SVIL: variants seen among roughly 807,000 people sequenced by gnomAD.
The protein encoded by SVIL is supervillin, also known as archvillin.
In SVIL, 101 loss-of-function variants were observed where a neutral mutation model predicts 240.4. The observed-to-expected ratio is 0.42, with a 90% CI of 0.36 to 0.50. The LOEUF is 0.50. SVIL is among the 20% of genes least tolerant of loss of function. The pLI is 0.01. For missense variants in SVIL, 2,512 were observed against 2,818.7 expected (o/e 0.89, Z 2.46); for synonymous variants, 999 against 1,100.0 (o/e 0.91, Z 1.82).
intron 32 of SVIL, among the ~76,000 whole-genome samples, chr10:29,469,280 T>C (rs746517042): frequency 1.3e-5 from 2 of 152,156 alleles, no homozygotes; most frequent in Non-Finnish European, 2.9e-5. Context: ...ACATCTTGTT[T>C]CACATCTGCC....
rs1001629826 is a variant in SVIL at position 29,536,196 on chromosome 10, T to A, written c.828-127A>T. 4 of 869,884 alleles carry A rather than the reference T, an allele frequency of 4.6e-6. No individual in the cohort carries two copies. In the Admixed American group the frequency reaches 9.1e-5, roughly 20 times the overall value. 53.9% of individuals were successfully genotyped at this position (869,884 alleles called of 1,614,324 possible). A position where few individuals can be genotyped will look rare whatever the true frequency, so the allele number is the denominator to read the frequency against. On this transcript the variant is annotated intron_variant, in intron 6 of 37. Coordinates refer to ENST00000355867, the MANE Select transcript of SVIL (RefSeq NM_021738.3). ...AATAATCCTCACTTATAAGTGGGAG[T>A]TAAACATGGAGTACACATGGTCACA...
intron 11 of SVIL, 53 bp downstream of exon 11, chr10:29,530,554 G>A (rs1362407527): frequency 1.9e-6 from 3 of 1,602,068 alleles, no homozygotes; most frequent in African/African-American, 2.7e-5. Context: ...TCAAATAGCT[G>A]GGATTACTGC....
intron 6 of SVIL, among the ~76,000 whole-genome samples, chr10:29,541,699 G>A (rs114337886): frequency 0.015 from 2,237 of 152,204 alleles, 46 homozygotes; most frequent in African/African-American, 0.048. Flanking sequence ...GGCTGGATTG[G>A]CATCCCCTCA....
chr10:29,646,202 C>T (rs1312279658), intron 3 of SVIL, among the ~76,000 whole-genome samples: 1 of 152,322 alleles, frequency 6.6e-6, no homozygotes, highest in East Asian at 1.9e-4. Flanking sequence ...AACTTTATCC[C>T]TCACAGACAC....
intron 1 of SVIL, among the ~76,000 whole-genome samples, chr10:29,711,269 G>C (rs1040639863): frequency 6.6e-6 from 1 of 152,088 alleles, no homozygotes; most frequent in Non-Finnish European, 1.5e-5. Context: ...GCATGGTGAC[G>C]CACGCCGGTG....
intron 10 of SVIL, 27 bp downstream of exon 10, chr10:29,531,227 A>C: frequency 6.2e-7 from 1 of 1,611,942 alleles, no homozygotes; most frequent in East Asian, 2.2e-5. Flanking sequence ...ATAATAAAGA[A>C]GAAAAAAAAG....
chr10:29,465,809 T>C, intron 33 of SVIL, 59 bp from the exon 34 acceptor site: 1 of 1,550,594 alleles, frequency 6.4e-7, no homozygotes, highest in East Asian at 2.3e-5. Context: ...AAATTCCAGA[T>C]GAAGAATGAA....
chr10:29,622,894 G>A (rs948595938), intron 1 of SVIL, among the ~76,000 whole-genome samples: 1 of 152,272 alleles, frequency 6.6e-6, no homozygotes, highest in East Asian at 1.9e-4. Context: ...CAACTCAAGC[G>A]TTATTAGTGA....
At chr10:29,605,100 G>T (rs889166680) in intron 1 of SVIL, among the ~76,000 whole-genome samples, 9 of 152,170 alleles carry the variant, frequency 5.9e-5, no homozygotes, top group African/African-American at 2.2e-4. Context: ...TATATAAGCA[G>T]AAGTGTGCAA....
At chr10:29,561,845 T>C (rs1487092812) in intron 3 of SVIL, among the ~76,000 whole-genome samples, 1 of 152,240 alleles carries the variant, frequency 6.6e-6, no homozygotes, top group African/African-American at 2.4e-5. Flanking sequence ...ACTTTTGGCC[T>C]CTGGAGCAAC....
chr10:29,718,735 G>C (rs575183053), intron 1 of SVIL, among the ~76,000 whole-genome samples: 6 of 152,164 alleles, frequency 3.9e-5, no homozygotes, highest in Non-Finnish European at 7.4e-5. Flanking sequence ...TGTGCCTGAG[G>C]GGGTGGGGGA....
intron 36 of SVIL, among the ~76,000 whole-genome samples, chr10:29,460,291 T>G (rs1007554340): frequency 2.0e-5 from 3 of 152,310 alleles, no homozygotes; most frequent in African/African-American, 2.4e-5. Flanking sequence ...CTTGGAGATG[T>G]GCCTAGTGCA....
chr10:29,609,463 G>A (rs1034392368), intron 1 of SVIL, among the ~76,000 whole-genome samples: 1 of 152,214 alleles, frequency 6.6e-6, no homozygotes, highest in Non-Finnish European at 1.5e-5. Flanking sequence ...TGAAAGAGCT[G>A]TAACACAAAT....
At chr10:29,555,166 A>C (rs893787907) in intron 3 of SVIL, 58 bp from the exon 4 acceptor site, 5 of 1,468,632 alleles carry the variant, frequency 3.4e-6, no homozygotes, top group African/African-American at 1.4e-5. Flanking sequence ...CGCTCATTTT[A>C]TTCACTCATG....
intron 1 of SVIL, among the ~76,000 whole-genome samples, chr10:29,690,833 C>A (rs1303658249): frequency 1.3e-5 from 2 of 152,278 alleles, no homozygotes; most frequent in East Asian, 3.9e-4. Flanking sequence ...TTAGTTCCAT[C>A]ATCTGCAATT....
chr10:29,595,588 T>A (rs1589348789), intron 1 of SVIL, among the ~76,000 whole-genome samples: 1 of 152,210 alleles, frequency 6.6e-6, no homozygotes, highest in South Asian at 2.1e-4. Context: ...GAACTAAAAA[T>A]GTAAATATGA....
chr10:29,624,578 A>C (rs1369773817), intron 1 of SVIL, among the ~76,000 whole-genome samples: 1 of 152,204 alleles, frequency 6.6e-6, no homozygotes, highest in Non-Finnish European at 1.5e-5. Context: ...AATCATTTAC[A>C]GTGCTCATTT....
chr10:29,600,718 C>G (rs941961962), intron 1 of SVIL, among the ~76,000 whole-genome samples: 3 of 152,022 alleles, frequency 2.0e-5, no homozygotes, highest in Non-Finnish European at 4.4e-5. Context: ...ACAAAAGGAC[C>G]CTATGCAAAA....
chr10:29,712,960 T>G (rs894250044), intron 1 of SVIL, among the ~76,000 whole-genome samples: 1 of 152,168 alleles, frequency 6.6e-6, no homozygotes, highest in Non-Finnish European at 1.5e-5. Flanking sequence ...GTGGATCACT[T>G]GAGATCAGGA....
Sources: allele counts gnomAD v4.1 joint callset (sites outside exome capture counted in the v4.1 genomes callset), GRCh38; gene constraint gnomAD v4.1.1; transcripts MANE v1.5; gene names NCBI Gene and HGNC (gene_info 2026-07-23, HGNC 2026-07-21).